The following C12orf42 variants were observed in gnomAD, a reference collection of about 807,000 sequenced individuals.
C12orf42 encodes the protein chromosome 12 open reading frame 42, also known as uncharacterized protein C12orf42.
A neutral mutation model predicts 21.6 loss-of-function variants in C12orf42; 25 were observed. The observed-to-expected ratio is 1.16, with a 90% CI of 0.84 to 1.62. The LOEUF (loss-of-function observed/expected upper bound fraction) is 1.62. Ranked by LOEUF, C12orf42 falls within the 40% of genes most tolerant of loss-of-function variation. C12orf42 has a pLI of 0.00. For synonymous variants in C12orf42, 174 were observed against 175.0 expected (o/e 0.99, Z 0.05); for missense variants, 483 against 459.3 (o/e 1.05, Z -0.47).
the C12orf42 span, among the ~76,000 whole-genome samples, chr12:103,220,977 A>G: frequency 1.3e-5 from 2 of 152,212 alleles, no homozygotes; most frequent in Non-Finnish European, 2.9e-5. Context: ...TGTTGCTCCA[A>G]AGGTTCCCAA....
At chr12:103,221,178 C>T in the C12orf42 span, among the ~76,000 whole-genome samples, 2 of 152,296 alleles carry the variant, frequency 1.3e-5, no homozygotes, top group African/African-American at 2.4e-5. Flanking sequence ...GATTATAGAA[C>T]ATTTCAGAGA....
intron 4 of C12orf42, among the ~76,000 whole-genome samples, chr12:103,332,742 C>T: frequency 6.6e-6 from 1 of 152,182 alleles, no homozygotes. Flanking sequence ...GTGAATGTGA[C>T]CTTATTTGGA....
chr12:103,418,628 T>C (rs1317320845), intron 2 of C12orf42, among the ~76,000 whole-genome samples: 3 of 152,144 alleles, frequency 2.0e-5, no homozygotes. Context: ...TTTATTCCCA[T>C]TAATTTATCA....
chr12:103,069,963 G>A, the C12orf42 span, among the ~76,000 whole-genome samples: 15,257 of 152,206 alleles, frequency 0.1, 1,301 homozygotes, highest in East Asian at 0.47. Flanking sequence ...CAGTCTTACT[G>A]ATTCACCTCC....
chr12:103,145,788 A>G, the C12orf42 span, among the ~76,000 whole-genome samples: 2 of 152,214 alleles, frequency 1.3e-5, no homozygotes, highest in African/African-American at 2.4e-5. Context: ...ATACTTTGCA[A>G]TCATTGAAAG....
In C12orf42 at chr12:103,302,560, C is replaced by A. The variant is rs773770378; in HGVS notation, c.632-1G>T. On this transcript the variant is annotated splice_acceptor_variant, in intron 5 of 5. Coordinates refer to ENST00000548883, the MANE Select transcript of C12orf42 (RefSeq NM_198521.5). LOFTEE classifies it high-confidence loss of function. ...GCAGTGGAAGGTCTGGCGGCAGAAC[C>A]TGGAAGGCAAAGCAGGAAAGCAGGA... 1 of 1,602,332 alleles carries A rather than the reference C, an allele frequency of 6.2e-7. No individual in the cohort carries two copies.
At chr12:103,491,989 C>T (rs1955219388) in intron 1 of C12orf42, among the ~76,000 whole-genome samples, 1 of 152,034 alleles carries the variant, frequency 6.6e-6, no homozygotes, top group African/African-American at 2.4e-5. Context: ...TAGAGTCTCA[C>T]TCTGTCACCC....
chr12:103,153,571 A>G, the C12orf42 span, among the ~76,000 whole-genome samples: 2 of 152,148 alleles, frequency 1.3e-5, no homozygotes, highest in Non-Finnish European at 2.9e-5. Context: ...AATTTATTAA[A>G]AGGTGCTCAA....
chr12:103,463,541 C>T (rs1407886498), intron 2 of C12orf42, among the ~76,000 whole-genome samples: 1 of 152,084 alleles, frequency 6.6e-6, no homozygotes, highest in Non-Finnish European at 1.5e-5. Flanking sequence ...AAGCCACAGC[C>T]CTAAAACTTT....
intron 2 of C12orf42, among the ~76,000 whole-genome samples, chr12:103,415,648 G>A (rs940197311): frequency 2.0e-5 from 3 of 152,116 alleles, no homozygotes; most frequent in African/African-American, 7.2e-5. Flanking sequence ...GATAGCTGCG[G>A]AATAATGTTC....
the C12orf42 span, among the ~76,000 whole-genome samples, chr12:103,150,800 A>C: frequency 6.6e-6 from 1 of 152,212 alleles, no homozygotes; most frequent in Non-Finnish European, 1.5e-5. Flanking sequence ...ATTCCCGACT[A>C]TATCTGAGTT....
the C12orf42 span, among the ~76,000 whole-genome samples, chr12:103,193,084 A>G: frequency 6.6e-6 from 1 of 152,212 alleles, no homozygotes; most frequent in Non-Finnish European, 1.5e-5. Context: ...TATGAATAAA[A>G]AATGAAAAGG....
chr12:103,091,933 T>C, the C12orf42 span, among the ~76,000 whole-genome samples: 1 of 152,138 alleles, frequency 6.6e-6, no homozygotes, highest in African/African-American at 2.4e-5. Flanking sequence ...AGCCTATCAG[T>C]AGGAAAGGTC....
intron 4 of C12orf42, among the ~76,000 whole-genome samples, chr12:103,282,227 T>C (rs1471774799): frequency 2.0e-5 from 3 of 152,122 alleles, no homozygotes; most frequent in Non-Finnish European, 4.4e-5. Context: ...TAAGAATAAA[T>C]CTAAATAATA....
intron 3 of C12orf42, among the ~76,000 whole-genome samples, chr12:103,374,172 C>T (rs1566181877): frequency 6.6e-6 from 1 of 152,172 alleles, no homozygotes; most frequent in Non-Finnish European, 1.5e-5. Context: ...ATTACCGCCA[C>T]CAATTTTTTT....
the C12orf42 span, among the ~76,000 whole-genome samples, chr12:103,199,609 A>G: frequency 2.6e-5 from 4 of 152,228 alleles, no homozygotes; most frequent in African/African-American, 9.6e-5. Context: ...TCTATAACTC[A>G]ATAGCAAAAA....
At chr12:103,281,903 AAAG>A (rs1163462587) in intron 4 of C12orf42, among the ~76,000 whole-genome samples, 2 of 141,126 alleles carry the variant, frequency 1.4e-5, no homozygotes, top group African/African-American at 2.7e-5. Flanking sequence ...GAAAGAAAGA[AAAG>A]AAGAAAGAAA....
At chr12:103,499,407 C>G (rs556276932), upstream of C12orf42, among the ~76,000 whole-genome samples, 1 of 152,246 alleles carries the variant, frequency 6.6e-6, no homozygotes, top group Non-Finnish European at 1.5e-5. Flanking sequence ...CACACCAAAT[C>G]TGGGGAAAAT....
At chr12:103,559,843 C>A in the C12orf42 span, 2 of 152,072 alleles carry the variant, frequency 1.3e-5, no homozygotes, top group East Asian at 3.8e-4. Flanking sequence ...ATGAATGATC[C>A]TCAGCTTTAT....
Sources: gnomAD v4.1 joint callset for allele counts (sites outside exome capture counted in the v4.1 genomes callset) on GRCh38, gnomAD v4.1.1 for gene constraint, MANE v1.5 for transcripts, NCBI Gene and HGNC (gene_info 2026-07-23, HGNC 2026-07-21) for gene names.